TRANK1: variants seen among roughly 807,000 people sequenced by gnomAD.
TRANK1 encodes the protein tetratricopeptide repeat and ankyrin repeat containing 1, also known as TPR and ankyrin repeat-containing protein 1.
TRANK1 carries 198 observed loss-of-function variants against 266.0 expected under a neutral mutation model. The observed-to-expected ratio is 0.74, with a 90% CI of 0.66 to 0.84. The LOEUF is 0.84. Ranked by LOEUF, TRANK1 falls within the 40% of genes least tolerant of loss-of-function variation. TRANK1 has a pLI of 0.00. For synonymous variants in TRANK1, 1,396 were observed against 1,384.1 expected (o/e 1.01, Z -0.19); for missense variants, 3,326 against 3,634.6 (o/e 0.92, Z 2.18).
chr3:36,945,266 G>C (rs2080557690), upstream of TRANK1, among the ~76,000 whole-genome samples: 1 of 152,168 alleles, frequency 6.6e-6, no homozygotes, highest in Non-Finnish European at 1.5e-5. Flanking sequence ...GACACTCCTC[G>C]GGCATGCGAG....
At chr3:36,944,147 G>A (rs1028476052) in intron 1 of TRANK1, among the ~76,000 whole-genome samples, 2 of 152,144 alleles carry the variant, frequency 1.3e-5, no homozygotes, top group African/African-American at 4.8e-5. Context: ...CAGAAGCAAG[G>A]GCTTCTAAGG....
At position 36,864,540 on chromosome 3, in the gene TRANK1, A is replaced by G. The variant is rs558484261; in HGVS notation, c.1079-60T>C. 1,754 of 1,438,108 alleles carry G rather than the reference A, an allele frequency of 1.2e-3. 6 individuals are homozygous for G. Among genetic ancestry groups the G allele is most frequent in the Non-Finnish European group, 9.6e-4 (1,048 of 1,087,778 alleles). The allele number at this position is 1,438,108 out of a possible 1,614,324, so 89.1% of individuals were successfully genotyped here. On this transcript the variant is annotated intron_variant, in intron 9 of 23. Coordinates refer to ENST00000645898, the MANE Select transcript of TRANK1 (RefSeq NM_001329998.2). Reference sequence around the variant, plus strand: ...AGAAATTGCAGCTGTTACAGATTGCAAAAATAACCACAATTCTCCAACCCT... The same window carrying G: ...AGAAATTGCAGCTGTTACAGATTGCGAAAATAACCACAATTCTCCAACCCT...
chr3:36,834,421 A>C (rs1182954225), intron 21 of TRANK1: 7 of 227,892 alleles, frequency 3.1e-5, no homozygotes, highest in Non-Finnish European at 5.9e-5. Context: ...GCAGGTGTGC[A>C]TTAGTTGGGT....
chr3:36,838,476 C>A lies in TRANK1; in HGVS notation c.5413G>T (p.Ala1805Ser). 2 of 1,614,036 alleles carry A rather than the reference C, an allele frequency of 1.2e-6. No individual in the cohort carries two copies. The highest frequency in any genetic ancestry group is 2.7e-5 in the African/African-American group (2 of 75,038). ...KEKQLEYLEL[A>S]KTYLECKEPT... Reference sequence around the variant, plus strand: ...TCTTTGCACTCCAAATAGGTCTTAGCCAATTCCAAATATTCCAACTGCTTT... The same window carrying A: ...TCTTTGCACTCCAAATAGGTCTTAGACAATTCCAAATATTCCAACTGCTTT... Residue 1805 changes from alanine (A) to serine (S), a missense_variant, in exon 20 of 24, where the codon GCT (alanine) becomes TCT (serine). By Grantham distance (99) the Ala-to-Ser change is moderately conservative. Coordinates refer to ENST00000645898, the MANE Select transcript of TRANK1 (RefSeq NM_001329998.2).
chr3:36,925,720 A>T (rs1043164787), intron 1 of TRANK1, among the ~76,000 whole-genome samples: 2 of 151,710 alleles, frequency 1.3e-5, no homozygotes, highest in Admixed American at 1.3e-4. Flanking sequence ...CCTCCCGAGT[A>T]GCTGGGACTA....
intron 5 of TRANK1, among the ~76,000 whole-genome samples, chr3:36,894,495 A>G (rs1422818649): frequency 1.3e-5 from 2 of 152,136 alleles, no homozygotes; most frequent in Non-Finnish European, 2.9e-5. Context: ...TGGATTTCTG[A>G]CTACTGGTTC....
At position 36,857,409 on chromosome 3, in the gene TRANK1, A is replaced by T. The variant is rs1263501644; in HGVS notation, c.2313T>A (p.Asp771Glu). 1 of 1,613,542 alleles carries T rather than the reference A, an allele frequency of 6.2e-7. No homozygotes were observed. Among genetic ancestry groups the T allele is most frequent in the Admixed American group, 1.7e-5 (1 of 59,970 alleles). ...EAGAGKEGKK[D>E]DKPTLGAGAP... ...CCCCTGCACCCAGAGTCGGCTTGTC[A>T]TCTTTCTTTCCTTCTTTGCCAGCTC... Residue 771 changes from aspartate (D) to glutamate (E), a missense_variant, in exon 13 of 24, where the codon GAT (aspartate) becomes GAA (glutamate). Transcript: ENST00000645898. The surrounding 1 kb of genome is among the most constrained non-coding windows in gnomAD (Gnocchi z 4.3).
At chr3:36,903,420 CA>C in intron 2 of TRANK1, 145 bp from the exon 3 acceptor site, 1 of 1,032,852 alleles carries the variant, frequency 9.7e-7, no homozygotes, top group African/African-American at 1.6e-5. Flanking sequence ...ATCAGTCTCC[CA>C]GACCCCAAAC....
intron 6 of TRANK1, 37 bp from the exon 7 acceptor site, chr3:36,892,377 T>C (rs1172956233): frequency 6.5e-7 from 1 of 1,535,774 alleles, no homozygotes; most frequent in Non-Finnish European, 8.7e-7. Flanking sequence ...ATTATGGAAG[T>C]CACTAATCAA....
chr3:36,908,701 G>A, intron 1 of TRANK1: 1 of 904,968 alleles, frequency 1.1e-6, no homozygotes, highest in Non-Finnish European at 1.3e-6. Flanking sequence ...CAGCATTAAT[G>A]ATCTGGAGGA....
Position 36,855,927 on chromosome 3 carries a change from G to A in TRANK1, c.3795C>T (p.Asn1265=), listed in dbSNP as rs371526065. ...TGGTTCTTTTCAAGCTTCCATCTTC[G>A]TTTCTCAGAAAAAATGGTTTGGGCA... is the stretch of plus-strand genomic sequence containing the variant. ...ASLPKPFFLR[N]EDGSLKRTII... Residue 1265 remains asparagine, a synonymous_variant, in exon 13 of 24, where the codon AAC becomes AAT. Transcript: ENST00000645898. 1.3e-4 allele frequency: 210 copies of A among 1,613,304 alleles called. No individual in the cohort carries two copies. Among genetic ancestry groups the A allele is most frequent in the African/African-American group, 1.7e-4 (13 of 74,788 alleles).
In TRANK1 at chr3:36,864,390, C is replaced by T. The variant is rs991698051; in HGVS notation, c.1169G>A (p.Arg390Gln). ...QLVKYMNSGN[R>Q]LLHKNFLKQE... ...CTTCAGAAAGTTTTTATGCAATAAC[C>T]GGTTTCCTGAGTTCATATACTTCAC... Residue 390 changes from arginine (R) to glutamine (Q), a missense_variant, in exon 10 of 24, where the codon CGG (arginine) becomes CAG (glutamine). Transcript: ENST00000645898. 12 of 1,536,820 alleles carry T rather than the reference C, an allele frequency of 7.8e-6. No individual in the cohort carries two copies. The highest frequency in any genetic ancestry group is 3.9e-5 in the Admixed American group (2 of 50,928).
At chr3:36,944,418 G>T (rs992315572) in intron 1 of TRANK1, among the ~76,000 whole-genome samples, 2 of 152,214 alleles carry the variant, frequency 1.3e-5, no homozygotes, top group Non-Finnish European at 2.9e-5. Flanking sequence ...TTGCCCCGGG[G>T]GCGCGCTCGC....
chr3:36,942,382 T>C (rs1483207692), intron 1 of TRANK1, among the ~76,000 whole-genome samples: 5 of 151,074 alleles, frequency 3.3e-5, no homozygotes, highest in Non-Finnish European at 5.9e-5. Context: ...CAGCTCTTGA[T>C]TGCAGCTGTG....
intron 15 of TRANK1, chr3:36,850,641 G>A (rs2078973188): frequency 1.3e-6 from 1 of 796,562 alleles, no homozygotes; most frequent in Non-Finnish European, 1.5e-6. Context: ...TAGAATGAGA[G>A]TAATAAAAAT....
In TRANK1 at chr3:36,908,690, T is replaced by G. The variant is rs145235257; in HGVS notation, c.24-236A>C. The G allele has an allele frequency of 2.8e-5, 26 of 944,520 alleles. No individual in the cohort carries two copies. In the East Asian group the frequency reaches 2.9e-3, roughly 105 times the overall value. 58.5% of individuals were successfully genotyped at this position (944,520 alleles called of 1,614,324 possible). ...GGGTGGCCAGACCAATTCCATTTAT[T>G]CAGCATTAATGATCTGGAGGAGGCT... On this transcript the variant is annotated intron_variant, in intron 1 of 23. Transcript: ENST00000645898.
In TRANK1 at chr3:36,831,034, T is replaced by A. The variant is rs1452374549; in HGVS notation, c.8549A>T (p.Asp2850Val). The A allele has an allele frequency of 1.2e-6, 2 of 1,613,896 alleles. No homozygotes were observed. Among genetic ancestry groups the A allele is most frequent in the African/African-American group, 2.7e-5 (2 of 74,914 alleles). ...GTCCTGCACCACCAGCTTGCCTTCA[T>A]CAATGGCCGGGTCCACCTTCTCGTG... is the stretch of plus-strand genomic sequence containing the variant. ...FFHEKVDPAI[D>V]EGKLVVQDIE... Residue 2850 changes from aspartate (D) to valine (V), a missense_variant, in exon 22 of 24, where the codon GAT (aspartate) becomes GTT (valine). Physicochemically the swap from Asp to Val is radical, Grantham distance 152. Transcript: ENST00000645898. This position sits in a 1 kb window ranked among gnomAD's most constrained non-coding sequence, Gnocchi z 5.0.
chr3:36,858,946 C>CCTGA, intron 11 of TRANK1, 52 bp from the exon 12 acceptor site: 1 of 1,455,872 alleles, frequency 6.9e-7, no homozygotes, highest in Non-Finnish European at 9.1e-7. Context: ...GCCTGGCTCG[C>CCTGA]CTGACGAGAG....
At chr3:36,845,559 T>C (rs2125526375) in intron 17 of TRANK1, among the ~76,000 whole-genome samples, 1 of 152,378 alleles carries the variant, frequency 6.6e-6, no homozygotes, top group African/African-American at 2.4e-5. Context: ...TCTATTCTGA[T>C]ATATACTGAT....
Sources: gnomAD v4.1 joint callset for allele counts (sites outside exome capture counted in the v4.1 genomes callset) on GRCh38, gnomAD v4.1.1 for gene constraint, Gnocchi (gnomAD v3.1) non-coding constraint, MANE v1.5 for transcripts, NCBI Gene and HGNC (gene_info 2026-07-23, HGNC 2026-07-21) for gene names.